PCDH15: variants seen among roughly 807,000 people sequenced by gnomAD.
PCDH15 encodes protocadherin related 15.
A neutral mutation model predicts 178.5 loss-of-function variants in PCDH15; 129 were observed. The ratio of observed to expected loss-of-function variants is 0.72; its 90% CI spans 0.63 to 0.84. The LOEUF is 0.84. Among genes scored for constraint, PCDH15 ranks in the 40% least tolerant of loss-of-function variants. The pLI, the probability that PCDH15 is intolerant of heterozygous loss-of-function variation, is 0.00. For missense variants in PCDH15, 2,230 were observed against 2,099.9 expected, an observed-to-expected ratio of 1.06 and a Z score of -1.21; for synonymous variants, 800 against 732.0, an observed-to-expected ratio of 1.09 and a Z score of -1.50.
rs80246032 is a variant in PCDH15 at position 54,829,310 on chromosome 10, G to A, written c.-29+68140C>T. Among the ~76,000 whole-genome samples the A allele has an allele frequency of 3.7e-3, 559 of 151,972 alleles. 1 individual carries two copies. Among genetic ancestry groups the A allele is most frequent in the African/African-American group, 0.013 (537 of 41,472 alleles). The stretch of plus-strand genomic sequence containing the variant: ...AGATTCTCATTCTAAAGCTGTAATT[G>A]CAGAACTGTAACCAATGCTGCTACT... On this transcript the variant is annotated intron_variant, in intron 3 of 5. Transcript: ENST00000458638.
At chr10:55,440,970 G>T (rs768932421) in intron 2 of PCDH15, among the ~76,000 whole-genome samples, 6 of 152,050 alleles carry the variant, frequency 3.9e-5, no homozygotes, top group Non-Finnish European at 8.8e-5. Flanking sequence ...TAGGGCAACT[G>T]CCCCCCATGA....
chr10:54,462,580 T>A (rs1322664459), intron 3 of PCDH15, among the ~76,000 whole-genome samples: 1 of 144,018 alleles, frequency 6.9e-6, no homozygotes, highest in Non-Finnish European at 1.5e-5. Context: ...AGTGGCATGA[T>A]CTTGGCTCAC....
chr10:54,208,310 T>C (rs574937144), intron 10 of PCDH15, among the ~76,000 whole-genome samples: 13 of 152,058 alleles, frequency 8.5e-5, no homozygotes, highest in Non-Finnish European at 1.6e-4. Context: ...GATAAACTTA[T>C]TATATTATTT....
chr10:54,991,829 T>C (rs1311452607), intron 2 of PCDH15, among the ~76,000 whole-genome samples: 1 of 152,124 alleles, frequency 6.6e-6, no homozygotes, highest in Non-Finnish European at 1.5e-5. Flanking sequence ...CTTATTGAAA[T>C]ATATTCTAGC....
intron 1 of PCDH15, among the ~76,000 whole-genome samples, chr10:54,738,584 C>G (rs72794587): frequency 0.11 from 16,610 of 151,866 alleles, 1,180 homozygotes; most frequent in Middle Eastern, 0.19. Context: ...CATACCAAAA[C>G]CAGACAAACA....
intron 8 of PCDH15, among the ~76,000 whole-genome samples, chr10:54,296,980 C>T (rs1270981718): frequency 1.3e-5 from 2 of 152,162 alleles, no homozygotes; most frequent in Non-Finnish European, 2.9e-5. Context: ...CGACCTTCCT[C>T]ATTCCTCCTT....
chr10:55,082,582 G>GAA (rs35092419), intron 2 of PCDH15, among the ~76,000 whole-genome samples: 42 of 133,866 alleles, frequency 3.1e-4, no homozygotes, highest in Admixed American at 2.2e-4. Context: ...AAATTGAAAT[G>GAA]AAAAAAAAAA....
chr10:54,493,780 T>C (rs1589701325), intron 3 of PCDH15, among the ~76,000 whole-genome samples: 1 of 152,102 alleles, frequency 6.6e-6, no homozygotes, highest in African/African-American at 2.4e-5. Flanking sequence ...CAAAGACACA[T>C]GCACACGTAT....
chr10:53,999,909 T>C (rs1453798152), intron 20 of PCDH15, among the ~76,000 whole-genome samples: 1 of 152,162 alleles, frequency 6.6e-6, no homozygotes, highest in African/African-American at 2.4e-5. Flanking sequence ...AGTGCTGTGC[T>C]GGGTTTAGGT....
In PCDH15 at chr10:55,467,809, C is replaced by CA. The variant is rs199631029; in HGVS notation, c.-156+159815dup. On this transcript the variant is annotated intron_variant, in intron 2 of 5. Coordinates refer to the PCDH15 transcript ENST00000613346. ...TGAAACCCCGTCTCTACTAAAAATA[C>CA]AAAAAAAATAGCCGGAAGTGGAGGC... 1.4e-3 allele frequency among the ~76,000 whole-genome samples: 208 copies of CA among 150,132 alleles called. 2 individuals carry two copies. In the East Asian group the frequency reaches 0.033, roughly 24 times the overall value.
chr10:54,537,376 C>G (rs1418948836), intron 2 of PCDH15, among the ~76,000 whole-genome samples: 3 of 152,070 alleles, frequency 2.0e-5, no homozygotes, highest in African/African-American at 7.2e-5. Flanking sequence ...AAGTCTGAAA[C>G]TACTCTAAAA....
At chr10:54,083,951 C>G (rs968338363) in intron 16 of PCDH15, among the ~76,000 whole-genome samples, 1 of 151,922 alleles carries the variant, frequency 6.6e-6, no homozygotes, top group Non-Finnish European at 1.5e-5. Flanking sequence ...TTTGGCCAGG[C>G]GCGGTGGCTC....
At chr10:55,525,145 T>C (rs1317659764) in intron 2 of PCDH15, among the ~76,000 whole-genome samples, 1 of 151,800 alleles carries the variant, frequency 6.6e-6, no homozygotes, top group Non-Finnish European at 1.5e-5. Flanking sequence ...AGGTTGATCT[T>C]AGCGCACTGT....
chr10:53,881,210 A>C (rs2133342739), intron 26 of PCDH15, among the ~76,000 whole-genome samples: 1 of 152,280 alleles, frequency 6.6e-6, no homozygotes, highest in Non-Finnish European at 1.5e-5. Context: ...TGTTAGCCAG[A>C]CTCAAATACT....
chr10:54,364,586 C>G (rs1946530333), intron 5 of PCDH15, among the ~76,000 whole-genome samples: 1 of 152,078 alleles, frequency 6.6e-6, no homozygotes, highest in African/African-American at 2.4e-5. Context: ...TCGCTGATTT[C>G]AATGTTCAAA....
At chr10:53,983,439 C>G (rs1396415823) in intron 21 of PCDH15, among the ~76,000 whole-genome samples, 2 of 150,988 alleles carry the variant, frequency 1.3e-5, no homozygotes, top group African/African-American at 4.9e-5. Context: ...TTCTTCCTCC[C>G]TCTTCCCTGT....
intron 2 of PCDH15, among the ~76,000 whole-genome samples, chr10:55,433,116 A>G (rs1219263539): frequency 1.3e-5 from 2 of 152,210 alleles, no homozygotes; most frequent in African/African-American, 4.8e-5. Context: ...CCAAATGAAT[A>G]TAAGTTGGTC....
At chr10:54,767,249 GAGAAAACTCCTCCATT>G (rs1948624426) in intron 1 of PCDH15, among the ~76,000 whole-genome samples, 2 of 152,058 alleles carry the variant, frequency 1.3e-5, no homozygotes, top group Non-Finnish European at 2.9e-5. Flanking sequence ...AAGAGGACTG[GAGAAAACTCCTCCATT>G]AATTTTAATG....
chr10:54,534,204 G>A (rs755353837), intron 2 of PCDH15, among the ~76,000 whole-genome samples: 3 of 152,006 alleles, frequency 2.0e-5, no homozygotes, highest in Admixed American at 6.6e-5. Context: ...TCATGCAAGG[G>A]CTGATAGTAA....
Sources: allele counts gnomAD v4.1 joint callset (sites outside exome capture counted in the v4.1 genomes callset), GRCh38; gene constraint gnomAD v4.1.1; transcripts MANE v1.5; gene names NCBI Gene and HGNC (gene_info 2026-07-23, HGNC 2026-07-21).